Variants in OPHN1 observed in about 807,000 individuals in gnomAD.
OPHN1 encodes the protein oligophrenin-1.
A neutral mutation model predicts 60.7 loss-of-function variants in OPHN1; 11 were observed. The ratio of observed to expected loss-of-function variants is 0.18; its 90% confidence interval spans 0.11 to 0.30. The LOEUF (loss-of-function observed/expected upper bound fraction) is 0.30. Ranked by LOEUF, OPHN1 falls within the 10% of genes least tolerant of loss-of-function variation. OPHN1 has a pLI of 1.00. For synonymous variants in OPHN1, 226 were observed against 222.6 expected (o/e 1.02, Z -0.14); for missense variants, 449 against 611.0 (o/e 0.73, Z 2.80).
At chrX:68,073,975 G>T (rs142946500) in intron 19 of OPHN1, among the ~76,000 whole-genome samples, 4 of 112,473 alleles carry the variant, frequency 3.6e-5, no homozygotes, top group South Asian at 7.3e-4. Flanking sequence ...GATGCTATAA[G>T]AAGTGCCGAA....
At chrX:68,428,757 T>C (rs758262269) in intron 2 of OPHN1, among the ~76,000 whole-genome samples, 3 of 112,190 alleles carry the variant, frequency 2.7e-5, no homozygotes, top group Admixed American at 9.5e-5. Context: ...TCAAACAACA[T>C]TGGGGACTGA....
chrX:68,254,043 A>G (rs1358302598), intron 5 of OPHN1, among the ~76,000 whole-genome samples: 1 of 111,456 alleles, frequency 9.0e-6, no homozygotes, highest in Admixed American at 9.6e-5. Flanking sequence ...GTAAACATCT[A>G]TTACATGTTT....
intron 18 of OPHN1, among the ~76,000 whole-genome samples, chrX:68,108,068 C>A (rs751138173): frequency 1.8e-3 from 197 of 112,094 alleles, no homozygotes; most frequent in Non-Finnish European, 3.1e-3. Context: ...CCTCTACCCA[C>A]CTCCAGGAGT....
intron 18 of OPHN1, among the ~76,000 whole-genome samples, chrX:68,104,135 C>A (rs1234442626): frequency 9.0e-6 from 1 of 111,459 alleles, no homozygotes; most frequent in Non-Finnish European, 1.9e-5. Flanking sequence ...TCAAGGAGAA[C>A]TACAAACTGC....
At chrX:68,197,345 G>T (rs920240919) in intron 11 of OPHN1, 81 bp from the exon 12 acceptor site, 4 of 729,985 alleles carry the variant, frequency 5.5e-6, no homozygotes, top group Non-Finnish European at 6.5e-6. Flanking sequence ...GTCCCTCTCT[G>T]CCCTGGAGTT....
intron 2 of OPHN1, among the ~76,000 whole-genome samples, chrX:68,397,522 TTA>T (rs200468257): frequency 0.011 from 402 of 37,469 alleles, 8 homozygotes; most frequent in Non-Finnish European, 0.018. Context: ...ATTTATTTAT[TTA>T]TTTTTTTTTT....
At position 68,416,059 on chromosome X, in the gene OPHN1, TATATATATAGAGAGAGAGAGAG is replaced by T. The variant is rs1356683214; in HGVS notation, c.154+16786_154+16807del. Among the ~76,000 whole-genome samples, 50 of 6,963 alleles carry T rather than the reference TATATATATAGAGAGAGAGAGAG, an allele frequency of 7.2e-3. 1 individual carries two copies. The highest frequency in any genetic ancestry group is 0.01 in the East Asian group (1 of 99). 6.0% of individuals were successfully genotyped at this position (6,963 alleles called of 115,157 possible). ...ATATATATATATATATATATATATA[TATATATATAGAGAGAGAGAGAG>T]AGAGAGAGAGAGAGAGAGAGAGAGA... On this transcript the variant is annotated intron_variant, in intron 2 of 24. Coordinates refer to ENST00000355520, the MANE Select transcript of OPHN1 (RefSeq NM_002547.3).
At chrX:68,288,874 G>A (rs920155099) in intron 3 of OPHN1, among the ~76,000 whole-genome samples, 3 of 111,977 alleles carry the variant, frequency 2.7e-5, no homozygotes, top group East Asian at 2.8e-4. Context: ...AGCCTCTTAC[G>A]GATCTATTTT....
intron 15 of OPHN1, among the ~76,000 whole-genome samples, chrX:68,167,260 GATC>G (rs2077362715): frequency 9.0e-6 from 1 of 111,572 alleles, no homozygotes; most frequent in Non-Finnish European, 1.9e-5. Flanking sequence ...TAATGTCACT[GATC>G]ATCATATAAA....
At chrX:68,189,724 AC>A (rs1395197250) in intron 15 of OPHN1, among the ~76,000 whole-genome samples, 1 of 111,878 alleles carries the variant, frequency 8.9e-6, no homozygotes, top group African/African-American at 3.3e-5. Flanking sequence ...AATGTGACCA[AC>A]CAACCAACAG....
intron 15 of OPHN1, among the ~76,000 whole-genome samples, chrX:68,169,559 C>A (rs2077378590): frequency 9.2e-6 from 1 of 108,523 alleles, no homozygotes; most frequent in South Asian, 4.0e-4. Context: ...ACCAAAACAG[C>A]ATGGTACTGG....
At chrX:68,192,579 A>T (rs1039191064) in intron 15 of OPHN1, among the ~76,000 whole-genome samples, 2 of 112,179 alleles carry the variant, frequency 1.8e-5, no homozygotes, top group Non-Finnish European at 3.8e-5. Flanking sequence ...AGTGGTCAAC[A>T]AGGAGATCAA....
At chrX:68,072,884 T>A (rs1269589501) in intron 20 of OPHN1, among the ~76,000 whole-genome samples, 1 of 111,627 alleles carries the variant, frequency 9.0e-6, no homozygotes, top group African/African-American at 3.3e-5. Context: ...GGGGCATAAA[T>A]CTAAGAACAC....
At chrX:68,091,405 G>C (rs1215403467) in intron 19 of OPHN1, among the ~76,000 whole-genome samples, 3 of 111,017 alleles carry the variant, frequency 2.7e-5, no homozygotes, top group African/African-American at 9.8e-5. Context: ...GCACAAGTTA[G>C]ACAACTGGTA....
At chrX:68,414,036 G>A (rs190172721) in intron 2 of OPHN1, among the ~76,000 whole-genome samples, 116 of 111,299 alleles carry the variant, frequency 1.0e-3, no homozygotes, top group African/African-American at 3.5e-3. Context: ...CCACTTAACC[G>A]TTCTGTCTCA....
rs1459426402 is a variant in OPHN1, at chrX:68,042,609, C to T, written c.*4563G>A. 1 of 105,399 alleles carries T rather than the reference C, an allele frequency of 9.5e-6. No homozygotes were observed. Among genetic ancestry groups the T allele is most frequent in the African/African-American group, 3.5e-5 (1 of 28,731 alleles). The allele number at this position is 105,399 out of a possible 1,213,427, so 8.7% of individuals were successfully genotyped here. On this transcript the variant is annotated 3_prime_UTR_variant, in exon 25 of 25. Coordinates refer to ENST00000355520, the MANE Select transcript of OPHN1 (RefSeq NM_002547.3). ...AGAAGACATTTATGCAGCCAAAAAA[C>T]ACATGAAGAAATGCTCATCATCACT...
At chrX:68,093,934 AT>A (rs1266186041) in intron 19 of OPHN1, among the ~76,000 whole-genome samples, 1 of 109,378 alleles carries the variant, frequency 9.1e-6, no homozygotes, top group Non-Finnish European at 1.9e-5. Context: ...CAATTTATTG[AT>A]TTTTTTTCTT....
At chrX:68,113,708 G>A (rs912466052) in intron 16 of OPHN1, among the ~76,000 whole-genome samples, 3 of 105,579 alleles carry the variant, frequency 2.8e-5, no homozygotes, top group African/African-American at 3.5e-5. Context: ...GTAAACTATC[G>A]CAAGGACAAA....
chrX:68,268,267 G>C (rs1486439222), intron 5 of OPHN1, among the ~76,000 whole-genome samples: 1 of 111,344 alleles, frequency 9.0e-6, no homozygotes, highest in African/African-American at 3.3e-5. Flanking sequence ...TGATACCAAA[G>C]CCAGGCAGAG....
Sources: gnomAD v4.1 joint callset for allele counts (sites outside exome capture counted in the v4.1 genomes callset) on GRCh38, gnomAD v4.1.1 for gene constraint, MANE v1.5 for transcripts, NCBI Gene and HGNC (gene_info 2026-07-23, HGNC 2026-07-21) for gene names.